PPP2R2B: variants seen among roughly 807,000 people sequenced by gnomAD.
PPP2R2B encodes protein phosphatase 2 regulatory subunit Bbeta.
A neutral mutation model predicts 46.0 loss-of-function variants in PPP2R2B; 5 were observed. The ratio of observed to expected loss-of-function variants is 0.11; its 90% CI spans 0.06 to 0.23. The LOEUF is 0.23. PPP2R2B is among the 10% of genes least tolerant of loss of function. The pLI, the probability that PPP2R2B is intolerant of heterozygous loss-of-function variation, is 1.00. For synonymous variants in PPP2R2B, 215 were observed against 206.7 expected (o/e 1.04, Z -0.34); for missense variants, 367 against 575.0 (o/e 0.64, Z 3.70).
chr5:146,598,459 C>G (rs190838171), intron 8 of PPP2R2B, among the ~76,000 whole-genome samples: 71 of 152,164 alleles, frequency 4.7e-4, no homozygotes, highest in African/African-American at 1.7e-3. Context: ...CTTTAAATAC[C>G]CTCTACATAC....
intron 1 of PPP2R2B, among the ~76,000 whole-genome samples, chr5:146,921,748 T>C (rs1258606656): frequency 6.6e-6 from 1 of 152,152 alleles, no homozygotes; most frequent in African/African-American, 2.4e-5. Flanking sequence ...TGACACTCAT[T>C]ACCTGTACAC....
chr5:146,583,807 C>G lies in PPP2R2B; in HGVS notation c.*6140G>C, dbSNP rs1770009908. The G allele has an allele frequency of 6.6e-6, 1 of 152,218 alleles. No homozygotes were observed. The allele number at this position is 152,218 out of a possible 1,614,324, so 9.4% of individuals were successfully genotyped here. On this transcript the variant is annotated 3_prime_UTR_variant, in exon 10 of 10. Transcript: ENST00000394411. ...AGGAAAGCCCCTGTTCCCTTCTACT[C>G]CAGCTTCCTCAGTCTTCCATGACTC...
At chr5:146,788,106 G>A (rs531029182) in intron 2 of PPP2R2B, among the ~76,000 whole-genome samples, 3 of 152,164 alleles carry the variant, frequency 2.0e-5, no homozygotes, top group Admixed American at 6.5e-5. Flanking sequence ...CCTCCATGCC[G>A]TTGTGTGAGC....
intron 2 of PPP2R2B, among the ~76,000 whole-genome samples, chr5:146,856,200 G>A (rs1380013): frequency 0.25 from 37,982 of 152,038 alleles, 4,922 homozygotes; most frequent in East Asian, 0.35. Flanking sequence ...TTCTTGTTTA[G>A]CCAACACTCT....
At chr5:146,942,829 A>C (rs1275113478) in intron 1 of PPP2R2B, among the ~76,000 whole-genome samples, 1 of 150,452 alleles carries the variant, frequency 6.6e-6, no homozygotes, top group Admixed American at 6.6e-5. Context: ...ATGGAGTCTC[A>C]CTCTGTCACC....
In PPP2R2B at chr5:147,021,959, G is replaced by C. The variant is rs6868807; in HGVS notation, c.79+33706C>G. On this transcript the variant is annotated intron_variant, in intron 1 of 8. Coordinates refer to the PPP2R2B transcript ENST00000336640. ...AACAAATAAAACATAAAAATATTGAGGGGAGAAATGAAATCTATGAAAAAA... is the reference window on the plus strand; with the variant it reads ...AACAAATAAAACATAAAAATATTGACGGGAGAAATGAAATCTATGAAAAAA... 9.0e-3 allele frequency among the ~76,000 whole-genome samples: 1,372 copies of C among 151,846 alleles called. 60 individuals carry two copies. The East Asian group carries it at 0.14, about 15-fold the overall frequency.
intron 2 of PPP2R2B, among the ~76,000 whole-genome samples, chr5:146,764,007 G>T (rs1754319563): frequency 1.3e-5 from 2 of 152,156 alleles, no homozygotes; most frequent in African/African-American, 4.8e-5. Flanking sequence ...GATTACAGGT[G>T]TGAGCCACTG....
intron 2 of PPP2R2B, among the ~76,000 whole-genome samples, chr5:146,762,215 T>A (rs1415218287): frequency 6.6e-6 from 1 of 152,254 alleles, no homozygotes; most frequent in Non-Finnish European, 1.5e-5. Flanking sequence ...AACAGTTTAC[T>A]GCAGAATATA....
At chr5:146,706,565 G>A (rs1434019108) in intron 2 of PPP2R2B, 7 of 933,306 alleles carry the variant, frequency 7.5e-6, no homozygotes, top group Admixed American at 3.5e-5. Flanking sequence ...CCTCCAGCTC[G>A]GACAGCTTAG....
intron 2 of PPP2R2B, among the ~76,000 whole-genome samples, chr5:146,837,970 A>ACT (rs1326176584): frequency 6.6e-6 from 1 of 152,172 alleles, no homozygotes; most frequent in African/African-American, 2.4e-5. Flanking sequence ...ACCATGACCT[A>ACT]CATGGCAGTG....
At chr5:146,910,850 T>A (rs1055787126) in intron 1 of PPP2R2B, among the ~76,000 whole-genome samples, 1 of 152,186 alleles carries the variant, frequency 6.6e-6, no homozygotes, top group Non-Finnish European at 1.5e-5. Flanking sequence ...TGACTCCATG[T>A]ACTTTTCTGT....
chr5:146,993,377 G>A (rs1343905055), intron 1 of PPP2R2B, among the ~76,000 whole-genome samples: 1 of 151,760 alleles, frequency 6.6e-6, no homozygotes, highest in African/African-American at 2.4e-5. Context: ...CGAGTAGCTG[G>A]GACTACAGGC....
At chr5:146,960,516 C>G (rs566144930) in intron 1 of PPP2R2B, among the ~76,000 whole-genome samples, 1 of 152,112 alleles carries the variant, frequency 6.6e-6, no homozygotes, top group African/African-American at 2.4e-5. Flanking sequence ...TCTCAAACTC[C>G]TGAACTCGTG....
intron 7 of PPP2R2B, among the ~76,000 whole-genome samples, chr5:146,615,592 A>T (rs1326506600): frequency 6.6e-6 from 1 of 151,744 alleles, no homozygotes; most frequent in Admixed American, 6.6e-5. Context: ...CAAAATCAAG[A>T]TACAAAAATG....
At chr5:147,026,133 A>G (rs1755516589) in intron 1 of PPP2R2B, among the ~76,000 whole-genome samples, 1 of 152,108 alleles carries the variant, frequency 6.6e-6, no homozygotes. Flanking sequence ...TACCTACTCC[A>G]GAGGGAAAAA....
At chr5:146,622,246 A>C (rs1773752992) in intron 7 of PPP2R2B, among the ~76,000 whole-genome samples, 1 of 152,174 alleles carries the variant, frequency 6.6e-6, no homozygotes, top group East Asian at 1.9e-4. Flanking sequence ...TGTAACTCCA[A>C]GTTTATGAAT....
At chr5:147,043,911 G>C (rs1188714446) in intron 1 of PPP2R2B, among the ~76,000 whole-genome samples, 6 of 151,932 alleles carry the variant, frequency 3.9e-5, no homozygotes, top group African/African-American at 1.5e-4. Flanking sequence ...AGCCTACCTG[G>C]GTCCAAATCC....
chr5:147,031,355 C>T (rs533520951), intron 1 of PPP2R2B, among the ~76,000 whole-genome samples: 29 of 152,250 alleles, frequency 1.9e-4, no homozygotes, highest in Admixed American at 9.2e-4. Context: ...TTTGGGGTTC[C>T]ATAATTTCAT....
chr5:146,771,947 C>T (rs1754883685), intron 2 of PPP2R2B, among the ~76,000 whole-genome samples: 1 of 152,102 alleles, frequency 6.6e-6, no homozygotes, highest in South Asian at 2.1e-4. Context: ...TTCAGAGATA[C>T]AAATTCTATT....
Sources: gnomAD v4.1 joint callset for allele counts (sites outside exome capture counted in the v4.1 genomes callset) on GRCh38, gnomAD v4.1.1 for gene constraint, MANE v1.5 for transcripts, NCBI Gene and HGNC (gene_info 2026-07-23, HGNC 2026-07-21) for gene names.